The following SRC variants were observed in gnomAD, a reference collection of about 807,000 sequenced individuals.
The protein encoded by SRC is SRC proto-oncogene, non-receptor tyrosine kinase.
Under a neutral mutation model 62.9 loss-of-function variants are expected in SRC, and 13 were observed. The observed-to-expected ratio is 0.21, with a 90% CI of 0.13 to 0.33. The LOEUF (loss-of-function observed/expected upper bound fraction) is 0.33, where lower values mean the gene tolerates loss of function less well. Ranked by LOEUF, SRC falls within the 10% of genes least tolerant of loss-of-function variation. SRC has a pLI of 1.00. For synonymous variants in SRC, 302 were observed against 317.5 expected (o/e 0.95, Z 0.52); for missense variants, 457 against 737.3 (o/e 0.62, Z 4.40).
chr20:37,388,010 C>G (rs1329929411), intron 5 of SRC, among the ~76,000 whole-genome samples: 2 of 152,226 alleles, frequency 1.3e-5, no homozygotes, highest in African/African-American at 2.4e-5. Flanking sequence ...GGCTGGCCCT[C>G]CGACCCATGA....
At chr20:37,388,236 T>C (rs765312081) in intron 5 of SRC, among the ~76,000 whole-genome samples, 22 of 148,350 alleles carry the variant, frequency 1.5e-4, no homozygotes, top group Non-Finnish European at 2.8e-4. Context: ...AGTAGCCCCA[T>C]GCTTGCCTTT....
At chr20:37,359,121 A>G (rs1393381942) in intron 1 of SRC, among the ~76,000 whole-genome samples, 1 of 152,230 alleles carries the variant, frequency 6.6e-6, no homozygotes. Context: ...GCAGAGATGG[A>G]CCAGGCAGGT....
At chr20:37,395,337 T>G (rs552515830) in intron 7 of SRC, among the ~76,000 whole-genome samples, 1 of 152,328 alleles carries the variant, frequency 6.6e-6, no homozygotes, top group South Asian at 2.1e-4. Flanking sequence ...CCCATGCCCA[T>G]GCACTGCCTG....
chr20:37,348,854 A>T lies in SRC; in HGVS notation c.-247+2599A>T, dbSNP rs538727481. ...GAGGGCATGTAGGGGTTGACCAGGC[A>T]TGGAGTTAGGGAAAGGGCTTGCCAG... is the stretch of plus-strand genomic sequence containing the variant. On this transcript the variant is annotated intron_variant, in intron 1 of 13. Coordinates refer to ENST00000373578, the MANE Select transcript of SRC (RefSeq NM_198291.3). Among the ~76,000 whole-genome samples the T allele has an allele frequency of 2.0e-5, 3 of 152,342 alleles. No homozygotes were observed. In the South Asian group the frequency reaches 6.2e-4, roughly 32 times the overall value.
At chr20:37,347,357 C>G (rs11697568) in intron 1 of SRC, among the ~76,000 whole-genome samples, 6 of 151,596 alleles carry the variant, frequency 4.0e-5, no homozygotes, top group South Asian at 4.2e-4. Context: ...ATCAAGGCAC[C>G]GAGTCTTCTT....
Position 37,402,937 on chromosome 20 carries a change from T to C in SRC, c.1402+57T>C. 3 of 1,568,148 alleles carry C rather than the reference T, an allele frequency of 1.9e-6. No homozygotes were observed. The highest frequency in any genetic ancestry group is 2.3e-5 in the East Asian group (1 of 44,432). On this transcript the variant is annotated intron_variant, in intron 13 of 13. Transcript: ENST00000373578. The surrounding 1 kb of genome is among the most constrained non-coding windows in gnomAD (Gnocchi z 6.2). ...CCTGAATCCCTCTGCCCTGGTGGCC[T>C]TGGGCAAGTCATGACTCCTGCTGGG... is the stretch of plus-strand genomic sequence containing the variant.
intron 1 of SRC, among the ~76,000 whole-genome samples, chr20:37,359,986 A>C (rs1480470369): frequency 6.6e-6 from 1 of 151,632 alleles, no homozygotes; most frequent in Non-Finnish European, 1.5e-5. Flanking sequence ...AACCCCATGA[A>C]CCCATCGCTG....
At position 37,356,193 on chromosome 20, in the gene SRC, G is replaced by A. The variant is rs35931930; in HGVS notation, c.-246-9011G>A. On this transcript the variant is annotated intron_variant, in intron 1 of 13. Transcript: ENST00000373578. ...ACCCTGACTTACCGGAAGGATGGGA[G>A]GGACCTCTGAGGGGAGATAGAGCTT... 3.7e-3 allele frequency among the ~76,000 whole-genome samples: 568 copies of A among 152,256 alleles called. 6 individuals are homozygous for A. The highest frequency in any genetic ancestry group is 0.013 in the African/African-American group (544 of 41,536).
chr20:37,347,413 T>C (rs1482815285), intron 1 of SRC, among the ~76,000 whole-genome samples: 1 of 152,228 alleles, frequency 6.6e-6, no homozygotes, highest in Non-Finnish European at 1.5e-5. Flanking sequence ...TCTAAGTCCC[T>C]ATACGTGAAA....
intron 1 of SRC, among the ~76,000 whole-genome samples, chr20:37,357,266 C>T (rs1001866483): frequency 2.6e-5 from 4 of 152,232 alleles, no homozygotes; most frequent in Non-Finnish European, 5.9e-5. Flanking sequence ...AAACGAAAGT[C>T]GGGCTGTGCA....
chr20:37,389,824 C>T (rs1463479034), intron 5 of SRC, among the ~76,000 whole-genome samples: 1 of 152,168 alleles, frequency 6.6e-6, no homozygotes, highest in Non-Finnish European at 1.5e-5. Context: ...TGTGAAAAAT[C>T]ATGGCTCTGG....
intron 2 of SRC, among the ~76,000 whole-genome samples, chr20:37,373,131 T>C (rs569006687): frequency 1.4e-5 from 2 of 145,720 alleles, no homozygotes; most frequent in Admixed American, 6.7e-5. Flanking sequence ...TATGTACATA[T>C]ATACACATAT....
intron 3 of SRC, 120 bp downstream of exon 3, chr20:37,382,906 G>A (rs1320437809): frequency 6.6e-6 from 1 of 152,318 alleles, no homozygotes; most frequent in African/African-American, 2.4e-5. Context: ...GTGGTGGCAG[G>A]ACTGTGGGCG....
intron 4 of SRC, among the ~76,000 whole-genome samples, 181 bp from the exon 5 acceptor site, chr20:37,385,894 G>A (rs575748132): frequency 6.6e-6 from 1 of 152,370 alleles, no homozygotes; most frequent in East Asian, 1.9e-4. Context: ...GCAGGGATGC[G>A]CAGATACACG....
intron 2 of SRC, among the ~76,000 whole-genome samples, chr20:37,381,931 T>A (rs2070370409): frequency 6.6e-6 from 1 of 151,962 alleles, no homozygotes; most frequent in Non-Finnish European, 1.5e-5. Flanking sequence ...AGCTGGGTGG[T>A]CCCCAGGGAG....
chr20:37,378,401 T>C (rs1291666889), intron 2 of SRC, among the ~76,000 whole-genome samples: 2 of 152,050 alleles, frequency 1.3e-5, no homozygotes. Flanking sequence ...TTGCTACAGG[T>C]CCAGTACCAC....
At chr20:37,346,529 C>G (rs2146871028) in intron 1 of SRC, among the ~76,000 whole-genome samples, 1 of 152,114 alleles carries the variant, frequency 6.6e-6, no homozygotes, top group East Asian at 1.9e-4. Flanking sequence ...CCCTCCAGCT[C>G]ATGCTCCCCA....
chr20:37,356,227 G>T (rs1182089493), intron 1 of SRC, among the ~76,000 whole-genome samples: 1 of 152,158 alleles, frequency 6.6e-6, no homozygotes, highest in Non-Finnish European at 1.5e-5. Context: ...TTGACAAAGG[G>T]CCTGAAGGTG....
chr20:37,392,505 C>A (rs1000702750), intron 5 of SRC, among the ~76,000 whole-genome samples: 2 of 152,204 alleles, frequency 1.3e-5, no homozygotes, highest in African/African-American at 4.8e-5. Flanking sequence ...TGGGGGCCAC[C>A]CTGCCTGCCG....
Sources: allele counts gnomAD v4.1 joint callset (sites outside exome capture counted in the v4.1 genomes callset), GRCh38; gene constraint gnomAD v4.1.1; non-coding constraint Gnocchi (gnomAD v3.1); transcripts MANE v1.5; gene names NCBI Gene and HGNC (gene_info 2026-07-23, HGNC 2026-07-21).